Variants in PHF14 observed in about 807,000 individuals in gnomAD.
The protein encoded by PHF14 is PHD finger protein 14.
A neutral mutation model predicts 117.9 loss-of-function variants in PHF14; 55 were observed. The ratio of observed to expected loss-of-function variants is 0.47; its 90% confidence interval spans 0.38 to 0.58. The LOEUF (loss-of-function observed/expected upper bound fraction) is 0.58, where lower values mean the gene tolerates loss of function less well. Among genes scored for constraint, PHF14 ranks in the 20% least tolerant of loss-of-function variants. PHF14 has a pLI of 0.00. For synonymous variants in PHF14, 409 were observed against 368.6 expected (o/e 1.11, Z -1.26); for missense variants, 978 against 1,122.2 (o/e 0.87, Z 1.84).
chr7:11,041,853 CT>C (rs766934831), intron 12 of PHF14, among the ~76,000 whole-genome samples: 1 of 148,492 alleles, frequency 6.7e-6, no homozygotes, highest in Middle Eastern at 3.6e-3. Context: ...TTTATTTTGG[CT>C]TTTTAAGTGT....
intron 16 of PHF14, among the ~76,000 whole-genome samples, chr7:11,088,399 CACAA>C (rs1327220952): frequency 2.9e-4 from 32 of 109,454 alleles, no homozygotes; most frequent in African/African-American, 1.1e-3. Flanking sequence ...TTCACATACA[CACAA>C]ACACACACAC....
chr7:11,066,042 T>C (rs1375471004), intron 16 of PHF14, among the ~76,000 whole-genome samples: 1 of 152,190 alleles, frequency 6.6e-6, no homozygotes, highest in East Asian at 1.9e-4. Context: ...TTTGAGTATA[T>C]GGCAAATTAC....
At chr7:10,985,965 T>G (rs1782210775) in intron 3 of PHF14, among the ~76,000 whole-genome samples, 2 of 151,992 alleles carry the variant, frequency 1.3e-5, no homozygotes, top group South Asian at 4.2e-4. Flanking sequence ...ATTTTAAAAT[T>G]TTTTAAATGT....
At chr7:11,079,565 A>G (rs956000199) in intron 16 of PHF14, among the ~76,000 whole-genome samples, 2 of 152,138 alleles carry the variant, frequency 1.3e-5, no homozygotes, top group African/African-American at 4.8e-5. Context: ...AAATGATTTA[A>G]TGTTGGCATT....
intron 17 of PHF14, among the ~76,000 whole-genome samples, chr7:11,144,360 C>T (rs1384596143): frequency 6.6e-6 from 1 of 151,830 alleles, no homozygotes; most frequent in Non-Finnish European, 1.5e-5. Context: ...AATCACACTA[C>T]TGGGTATTTA....
In PHF14 at chr7:11,062,243, ACC is replaced by A. The variant is rs950444142; in HGVS notation, c.2654+159_2654+160del. The A allele has an allele frequency of 7.6e-6, 4 of 527,430 alleles. No individual in the cohort carries two copies. In the African/African-American group the frequency reaches 7.8e-5, roughly 10 times the overall value. The allele number at this position is 527,430 out of a possible 1,614,324, so 32.7% of individuals were successfully genotyped here. A position where few individuals can be genotyped will look rare whatever the true frequency, so the allele number is the denominator to read the frequency against. On this transcript the variant is annotated intron_variant, in intron 16 of 17. Coordinates refer to ENST00000634607, the MANE Select transcript of PHF14 (RefSeq NM_001007157.2). ...AGAAACAGATTTCATCCACTTCTTA[ACC>A]TCTCACACATGGTTATACTCTGGAT...
intron 14 of PHF14, among the ~76,000 whole-genome samples, chr7:11,057,759 A>G (rs975337385): frequency 3.3e-5 from 5 of 152,250 alleles, no homozygotes; most frequent in East Asian, 1.9e-4. Flanking sequence ...TACCATGCCA[A>G]TCTCTTCTAT....
chr7:11,112,204 A>AT (rs896134266), intron 17 of PHF14, among the ~76,000 whole-genome samples: 5 of 152,210 alleles, frequency 3.3e-5, no homozygotes, highest in Non-Finnish European at 5.9e-5. Flanking sequence ...GATTAATCCG[A>AT]TTTTTCTTTC....
intron 16 of PHF14, among the ~76,000 whole-genome samples, chr7:11,101,201 T>G (rs1303649517): frequency 2.6e-5 from 4 of 151,894 alleles, no homozygotes; most frequent in African/African-American, 7.2e-5. Context: ...CAACTTGAAT[T>G]TAATTGGGGG....
chr7:11,163,683 A>G (rs1468082137), intron 17 of PHF14, among the ~76,000 whole-genome samples: 2 of 152,180 alleles, frequency 1.3e-5, no homozygotes, highest in Non-Finnish European at 2.9e-5. Flanking sequence ...CAGTGTGCTC[A>G]TTTTGCCTAA....
chr7:11,050,659 A>T (rs970168810), intron 13 of PHF14, among the ~76,000 whole-genome samples: 1 of 152,204 alleles, frequency 6.6e-6, no homozygotes, highest in African/African-American at 2.4e-5. Flanking sequence ...CAGCACAGAT[A>T]TGTAGATAAT....
chr7:11,157,979 A>G (rs1020097566), intron 17 of PHF14, among the ~76,000 whole-genome samples: 2 of 152,190 alleles, frequency 1.3e-5, no homozygotes, highest in Non-Finnish European at 2.9e-5. Context: ...TAGATTTAAA[A>G]GAGTTGTAAA....
chr7:11,115,234 A>G (rs1583477324), intron 17 of PHF14, among the ~76,000 whole-genome samples: 1 of 151,840 alleles, frequency 6.6e-6, no homozygotes, highest in African/African-American at 2.4e-5. Flanking sequence ...TCATTCTGTT[A>G]TGGTTCTTCC....
intron 4 of PHF14, among the ~76,000 whole-genome samples, chr7:11,001,927 T>C (rs1183449396): frequency 6.6e-6 from 1 of 152,224 alleles, no homozygotes; most frequent in East Asian, 1.9e-4. Flanking sequence ...TCATACCTCA[T>C]CTTTGTGGGC....
chr7:11,160,605 G>A (rs1204651213), intron 17 of PHF14, among the ~76,000 whole-genome samples: 1 of 152,070 alleles, frequency 6.6e-6, no homozygotes, highest in East Asian at 1.9e-4. Context: ...GGTATTGAAT[G>A]GTATCAATGA....
intron 16 of PHF14, chr7:11,107,275 C>A: frequency 3.1e-6 from 3 of 976,720 alleles, no homozygotes; most frequent in Non-Finnish European, 3.6e-6. Context: ...GAAGGTAAAT[C>A]ATTTTTTTCC....
rs577756276 is a variant in PHF14 at position 11,041,523 on chromosome 7, A to G, written c.2180+748A>G. Among the ~76,000 whole-genome samples, 14 of 151,996 alleles carry G rather than the reference A, an allele frequency of 9.2e-5. No individual in the cohort carries two copies. The South Asian group carries it at 2.7e-3, about 29-fold the overall frequency. ...TGTAAATACATAAATATTCTTCTCA[A>G]AATTTCTTTCTCAGAAATAGTAGCA... On this transcript the variant is annotated intron_variant, in intron 12 of 17. Transcript: ENST00000634607.
intron 2 of PHF14, among the ~76,000 whole-genome samples, chr7:10,979,714 C>G (rs924672158): frequency 6.6e-5 from 10 of 151,930 alleles, no homozygotes; most frequent in Admixed American, 2.6e-4. Flanking sequence ...CTCCATTCCT[C>G]CAGTGCATAT....
chr7:10,993,966 G>A (rs377235565), intron 4 of PHF14, among the ~76,000 whole-genome samples: 10 of 150,198 alleles, frequency 6.7e-5, no homozygotes, highest in African/African-American at 7.4e-5. Context: ...CCAAGATTGC[G>A]CCAGTGCACT....
Sources: allele counts gnomAD v4.1 joint callset (sites outside exome capture counted in the v4.1 genomes callset), GRCh38; gene constraint gnomAD v4.1.1; transcripts MANE v1.5; gene names NCBI Gene and HGNC (gene_info 2026-07-23, HGNC 2026-07-21).